Variants in CDC42BPA observed in about 807,000 individuals in gnomAD.
The protein encoded by CDC42BPA is serine/threonine-protein kinase MRCK alpha.
In CDC42BPA, 80 loss-of-function variants were observed where a neutral mutation model predicts 223.5. The ratio of observed to expected loss-of-function variants is 0.36; its 90% CI spans 0.30 to 0.43. CDC42BPA has a LOEUF of 0.43. Among genes scored for constraint, CDC42BPA ranks in the 20% least tolerant of loss-of-function variants. CDC42BPA has a pLI of 1.00. For synonymous variants in CDC42BPA, 694 were observed against 718.6 expected (o/e 0.97, Z 0.55); for missense variants, 1,743 against 2,099.9 (o/e 0.83, Z 3.32).
Position 227,028,527 on chromosome 1 carries a change from T to C in CDC42BPA, c.4432+130A>G, listed in dbSNP as rs1572349541. ...TTTACATCAACAACATAATCAATAC[T>C]GAGGAAAAGCATTAAGAATGACTTT... On this transcript the variant is annotated intron_variant, in intron 30 of 36. Transcript: ENST00000366766. 1.8e-5 allele frequency: 11 copies of C among 624,772 alleles called. No homozygotes were observed. The South Asian group carries it at 2.6e-4, about 15-fold the overall frequency. 38.7% of individuals were successfully genotyped at this position (624,772 alleles called of 1,614,324 possible). A position where few individuals can be genotyped will look rare whatever the true frequency, so the allele number is the denominator to read the frequency against.
At chr1:227,105,809 T>C (rs1335373001) in intron 14 of CDC42BPA, among the ~76,000 whole-genome samples, 1 of 152,214 alleles carries the variant, frequency 6.6e-6, no homozygotes, top group Non-Finnish European at 1.5e-5. Flanking sequence ...TGATACTCCA[T>C]TGTATTTATA....
intron 2 of CDC42BPA, among the ~76,000 whole-genome samples, chr1:227,218,497 T>C (rs1675274108): frequency 6.6e-6 from 1 of 152,196 alleles, no homozygotes; most frequent in South Asian, 2.1e-4. Flanking sequence ...CATTTAATCC[T>C]TACACCAATC....
At chr1:227,159,519 C>G (rs1472982271) in intron 6 of CDC42BPA, among the ~76,000 whole-genome samples, 7 of 151,876 alleles carry the variant, frequency 4.6e-5, no homozygotes, top group Admixed American at 4.6e-4. Flanking sequence ...GTTAAAATTA[C>G]TGGTCTAGAG....
chr1:227,124,575 G>A (rs1182882266), intron 11 of CDC42BPA, among the ~76,000 whole-genome samples: 1 of 152,044 alleles, frequency 6.6e-6, no homozygotes, highest in Non-Finnish European at 1.5e-5. Context: ...AAAAGGGAAG[G>A]AAAGAAAGAA....
rs908933104 is a variant in CDC42BPA at position 227,119,931 on chromosome 1, C to T, written c.1520G>A (p.Ser507Asn). 1 of 1,586,182 alleles carries T rather than the reference C, an allele frequency of 6.3e-7. No individual in the cohort carries two copies. ...TTCTTCAAGTTGCTGTTCCAAATGA[C>T]TTGATTCTAAAAACAAAAGACAATG... ...EKLRKQVTES[S>N]HLEQQLEEAN... is the part of the protein sequence containing the mutation. Residue 507 changes from serine to asparagine, a missense_variant, in exon 12 of 37, where the codon AGT becomes AAT. By Grantham distance (46) the Ser-to-Asn change is conservative (BLOSUM62 1). Around this residue, in one of 6 missense-constraint regions of CDC42BPA, gnomAD observed 464 missense variants for 488.0 expected, o/e 0.95. Coordinates refer to ENST00000366766, the MANE Select transcript of CDC42BPA (RefSeq NM_001394014.1).
intron 2 of CDC42BPA, among the ~76,000 whole-genome samples, chr1:227,219,755 C>G (rs1187563215): frequency 6.6e-6 from 1 of 152,076 alleles, no homozygotes; most frequent in Non-Finnish European, 1.5e-5. Flanking sequence ...CTCTTCATTT[C>G]TAAACCTACT....
Position 227,317,434 on chromosome 1 carries a change from A to T in CDC42BPA, c.-252T>A. ...TAAAATATATACTTAATGCATTTTT[A>T]AAAGAATACAATTAAGTCGTATATT... On this transcript the variant is annotated 5_prime_UTR_variant, in exon 1 of 37. Transcript: ENST00000366766. 2.4e-6 allele frequency: 1 copy of T among 408,662 alleles called. No homozygotes were observed. Among genetic ancestry groups the T allele is most frequent in the Non-Finnish European group, 4.3e-6 (1 of 233,380 alleles). The allele number at this position is 408,662 out of a possible 1,614,324, so 25.3% of individuals were successfully genotyped here. A position where few individuals can be genotyped will look rare whatever the true frequency, so the allele number is the denominator to read the frequency against.
intron 1 of CDC42BPA, 140 bp from the exon 2 acceptor site, chr1:227,254,295 A>C: frequency 1.9e-6 from 1 of 537,118 alleles, no homozygotes; most frequent in Non-Finnish European, 3.2e-6. Flanking sequence ...CCCAAACTAT[A>C]TGAGAATAAA....
At chr1:227,089,588 T>C (rs1682662005) in intron 16 of CDC42BPA, among the ~76,000 whole-genome samples, 1 of 151,706 alleles carries the variant, frequency 6.6e-6, no homozygotes, top group Non-Finnish European at 1.5e-5. Flanking sequence ...GCTACTCATA[T>C]CCTACCTATC....
intron 35 of CDC42BPA, among the ~76,000 whole-genome samples, chr1:226,996,641 A>G (rs1019271811): frequency 2.2e-4 from 33 of 152,342 alleles, no homozygotes; most frequent in Admixed American, 2.0e-3. Flanking sequence ...CGTTCCATCA[A>G]TACCTAGTTT....
chr1:227,242,929 C>T (rs1680258781), intron 2 of CDC42BPA, among the ~76,000 whole-genome samples: 1 of 152,136 alleles, frequency 6.6e-6, no homozygotes, highest in African/African-American at 2.4e-5. Flanking sequence ...AACCTAAATG[C>T]CCAGAATGGT....
intron 2 of CDC42BPA, among the ~76,000 whole-genome samples, chr1:227,246,613 C>G (rs1681016949): frequency 6.6e-6 from 1 of 152,044 alleles, no homozygotes; most frequent in Admixed American, 6.5e-5. Flanking sequence ...TGGATCTTAT[C>G]CAAGACCACC....
chr1:227,004,920 C>A (rs746031354), intron 35 of CDC42BPA, 74 bp downstream of exon 35: 12 of 981,548 alleles, frequency 1.2e-5, no homozygotes, highest in Non-Finnish European at 5.0e-6. Flanking sequence ...GGACATGTCA[C>A]CCACGGGACA....
At chr1:227,019,775 T>A (rs1667031488) in intron 32 of CDC42BPA, among the ~76,000 whole-genome samples, 1 of 152,240 alleles carries the variant, frequency 6.6e-6, no homozygotes, top group African/African-American at 2.4e-5. Flanking sequence ...GAAGTATTAC[T>A]TTTCTGAGCA....
intron 1 of CDC42BPA, among the ~76,000 whole-genome samples, chr1:227,280,219 T>C (rs12410073): frequency 0.31 from 46,789 of 152,110 alleles, 7,374 homozygotes; most frequent in East Asian, 0.37. Context: ...CAGAGTTCTC[T>C]GAAAGAAGAC....
chr1:226,998,124 A>G (rs1662011191), intron 35 of CDC42BPA, among the ~76,000 whole-genome samples: 1 of 152,184 alleles, frequency 6.6e-6, no homozygotes, highest in Admixed American at 6.5e-5. Context: ...ACTACAAACC[A>G]CTGGTCAAGG....
chr1:227,148,723 C>T (rs1346654380), intron 6 of CDC42BPA, among the ~76,000 whole-genome samples: 5 of 122,414 alleles, frequency 4.1e-5, no homozygotes, highest in South Asian at 2.8e-4. Context: ...GCCAAGATTG[C>T]GCCACTGCAC....
chr1:227,070,163 A>C (rs1429441232), intron 20 of CDC42BPA, among the ~76,000 whole-genome samples: 1 of 151,896 alleles, frequency 6.6e-6, no homozygotes, highest in Non-Finnish European at 1.5e-5. Context: ...ATTTAAAAAT[A>C]GGAGTCTGTT....
At chr1:227,060,726 T>C in intron 21 of CDC42BPA, among the ~76,000 whole-genome samples, 1 of 141,572 alleles carries the variant, frequency 7.1e-6, no homozygotes, top group South Asian at 2.4e-4. Flanking sequence ...ACTTTTTTTT[T>C]TTTTTTTTTT....
Sources: allele counts gnomAD v4.1 joint callset (sites outside exome capture counted in the v4.1 genomes callset), GRCh38; gene constraint gnomAD v4.1.1; regional missense constraint gnomAD v4.1.1; transcripts MANE v1.5; gene names NCBI Gene and HGNC (gene_info 2026-07-23, HGNC 2026-07-21).